The following NEK10 variants were observed in gnomAD, a reference collection of about 807,000 sequenced individuals.
The protein encoded by NEK10 is serine/threonine-protein kinase Nek10.
Under a neutral mutation model 159.8 loss-of-function variants are expected in NEK10, and 122 were observed. That is an observed-to-expected ratio of 0.76 (90% CI 0.66 to 0.89). NEK10 has a LOEUF of 0.89. NEK10 is among the 40% of genes least tolerant of loss of function. NEK10 has a pLI of 0.00. For synonymous variants in NEK10, 466 were observed against 457.1 expected, an observed-to-expected ratio of 1.02 and a Z score of -0.25; for missense variants, 1,342 against 1,323.1, an observed-to-expected ratio of 1.01 and a Z score of -0.22.
chr3:27,352,962 G>A (rs1575888261), intron 1 of NEK10, 43 bp from the exon 2 acceptor site: 1 of 934,014 alleles, frequency 1.1e-6, no homozygotes, highest in Non-Finnish European at 1.7e-6. Context: ...TGGGTTGCGT[G>A]TGCCAAAATA....
At chr3:27,320,826 AAGAGTCCAATC>A (rs1198193506) in intron 6 of NEK10, among the ~76,000 whole-genome samples, 1 of 152,202 alleles carries the variant, frequency 6.6e-6, no homozygotes, top group Non-Finnish European at 1.5e-5. Flanking sequence ...TGAATCCCAG[AAGAGTCCAATC>A]AGAGTAGGCT....
rs542699048 is a variant in NEK10 at position 27,258,011 on chromosome 3, T to A, written c.2015-1640A>T. Among the ~76,000 whole-genome samples the A allele has an allele frequency of 2.0e-5, 3 of 151,950 alleles. No individual in the cohort carries two copies. The East Asian group carries it at 5.8e-4, about 29-fold the overall frequency. On this transcript the variant is annotated intron_variant, in intron 22 of 35. Transcript: ENST00000691995. ...CTGGGTTTCACAGTGTTAGCCAGGA[T>A]GGTCTCGATCTCCTGACCTCATGAT...
At chr3:27,365,610 G>GTTTTTTTTTTTTTTTTTTT (rs71091129) in intron 1 of NEK10, among the ~76,000 whole-genome samples, 1 of 99,106 alleles carries the variant, frequency 1.0e-5, no homozygotes. Context: ...TTTTTTTTGT[G>GTTTTTTTTTTTTTTTTTTT]TTTTTTTTTT....
At chr3:27,262,551 A>C (rs1192845749) in intron 22 of NEK10, among the ~76,000 whole-genome samples, 1 of 151,986 alleles carries the variant, frequency 6.6e-6, no homozygotes, top group Non-Finnish European at 1.5e-5. Context: ...TTTTTTCTCT[A>C]AACTTCTCTT....
chr3:27,245,581 G>C (rs1954976838), intron 23 of NEK10, among the ~76,000 whole-genome samples: 1 of 152,164 alleles, frequency 6.6e-6, no homozygotes, highest in African/African-American at 2.4e-5. Context: ...GCCCAGCCAA[G>C]CCAATAATTC....
At chr3:27,318,988 A>C (rs1004776340) in intron 6 of NEK10, among the ~76,000 whole-genome samples, 1 of 152,216 alleles carries the variant, frequency 6.6e-6, no homozygotes, top group African/African-American at 2.4e-5. Flanking sequence ...AATAATACCC[A>C]AAAAATGCTG....
At chr3:27,302,588 C>A (rs1054431923) in intron 12 of NEK10, among the ~76,000 whole-genome samples, 1 of 152,160 alleles carries the variant, frequency 6.6e-6, no homozygotes, top group African/African-American at 2.4e-5. Flanking sequence ...TTACTCAGTA[C>A]ACTTTCTTCC....
intron 22 of NEK10, chr3:27,265,723 G>C (rs1358030904): frequency 6.8e-6 from 1 of 146,066 alleles, no homozygotes; most frequent in African/African-American, 2.5e-5. Context: ...TCAAATTTTT[G>C]CATTTTTCAT....
At chr3:27,228,011 T>C (rs1952814868) in intron 23 of NEK10, among the ~76,000 whole-genome samples, 1 of 152,228 alleles carries the variant, frequency 6.6e-6, no homozygotes, top group Non-Finnish European at 1.5e-5. Flanking sequence ...ATTACTTTAA[T>C]GGTCAGGAAG....
In NEK10 at chr3:27,197,142, A is replaced by T. The variant is rs559406658; in HGVS notation, c.2291+4368T>A. Among the ~76,000 whole-genome samples the T allele has an allele frequency of 2.6e-5, 4 of 152,152 alleles. No individual in the cohort carries two copies. The South Asian group carries it at 8.3e-4, about 32-fold the overall frequency. ...TAGATCAGAAAACAGGGACGCAGAA[A>T]TAATGGTCAAATCACTCTTTTTTTT... On this transcript the variant is annotated intron_variant, in intron 25 of 35. Coordinates refer to ENST00000691995, the MANE Select transcript of NEK10 (RefSeq NM_001394966.1).
intron 30 of NEK10, among the ~76,000 whole-genome samples, chr3:27,161,011 A>T (rs1005237686): frequency 2.0e-5 from 3 of 152,256 alleles, no homozygotes; most frequent in Non-Finnish European, 2.9e-5. Context: ...GGGATAAGAA[A>T]GAAATGTATG....
At chr3:27,341,911 C>T (rs182338893) in intron 5 of NEK10, among the ~76,000 whole-genome samples, 18 of 152,294 alleles carry the variant, frequency 1.2e-4, no homozygotes, top group South Asian at 2.1e-4. Context: ...TAGCATAACA[C>T]GCTGAATGTC....
intron 1 of NEK10, among the ~76,000 whole-genome samples, chr3:27,358,800 G>A (rs553969994): frequency 5.3e-5 from 8 of 152,010 alleles, no homozygotes; most frequent in African/African-American, 1.2e-4. Flanking sequence ...ATGGTAAATC[G>A]CCCACAAATC....
intron 23 of NEK10, among the ~76,000 whole-genome samples, chr3:27,204,758 C>T (rs1320537383): frequency 1.4e-5 from 2 of 141,304 alleles, no homozygotes; most frequent in Non-Finnish European, 3.1e-5. Context: ...TGAATGATGC[C>T]GCAATAAACA....
chr3:27,319,599 T>A (rs1320607244), intron 6 of NEK10, among the ~76,000 whole-genome samples: 1 of 152,030 alleles, frequency 6.6e-6, no homozygotes, highest in Non-Finnish European at 1.5e-5. Flanking sequence ...TCAAGAAATA[T>A]AGTATGAAAG....
intron 23 of NEK10, among the ~76,000 whole-genome samples, chr3:27,224,882 ATAGT>A (rs577115700): frequency 1.1e-4 from 17 of 152,232 alleles, no homozygotes; most frequent in Non-Finnish European, 2.4e-4. Context: ...GTAACTTGAA[ATAGT>A]TAGTGCTCAC....
chr3:27,353,065 A>G (rs2048083749), intron 1 of NEK10, 146 bp from the exon 2 acceptor site: 1 of 583,584 alleles, frequency 1.7e-6, no homozygotes, highest in African/African-American at 1.9e-5. Flanking sequence ...AAGTGTTAAT[A>G]TGAATACCAC....
intron 30 of NEK10, among the ~76,000 whole-genome samples, chr3:27,160,346 C>G (rs1349597846): frequency 6.6e-6 from 1 of 152,068 alleles, no homozygotes; most frequent in African/African-American, 2.4e-5. Flanking sequence ...ATGTGGTGAC[C>G]TAAGTGAATG....
intron 22 of NEK10, among the ~76,000 whole-genome samples, chr3:27,271,447 C>T (rs2041353297): frequency 1.3e-5 from 2 of 152,050 alleles, no homozygotes; most frequent in Admixed American, 1.3e-4. Flanking sequence ...CAATTCTTGA[C>T]CAACTTATAA....
Sources: allele counts gnomAD v4.1 joint callset (sites outside exome capture counted in the v4.1 genomes callset), GRCh38; gene constraint gnomAD v4.1.1; transcripts MANE v1.5; gene names NCBI Gene and HGNC (gene_info 2026-07-23, HGNC 2026-07-21).